Variants in SEMA3E observed in about 807,000 individuals in gnomAD.
SEMA3E encodes semaphorin-3E.
Under a neutral mutation model 93.6 loss-of-function variants are expected in SEMA3E, and 49 were observed. The observed-to-expected ratio is 0.52, with a 90% confidence interval of 0.42 to 0.66. The LOEUF (loss-of-function observed/expected upper bound fraction) is 0.66. Ranked by LOEUF, SEMA3E falls within the 30% of genes least tolerant of loss-of-function variation. SEMA3E has a pLI of 0.00. For synonymous variants in SEMA3E, 363 were observed against 330.7 expected (o/e 1.10, Z -1.06); for missense variants, 906 against 964.8 (o/e 0.94, Z 0.81).
chr7:83,455,654 G>C (rs1264539691), intron 4 of SEMA3E, among the ~76,000 whole-genome samples: 2 of 152,270 alleles, frequency 1.3e-5, no homozygotes, highest in Non-Finnish European at 2.9e-5. Flanking sequence ...TATGGCAAAC[G>C]TGATGGGATA....
intron 4 of SEMA3E, chr7:83,462,012 G>C (rs571079780): frequency 7.2e-5 from 11 of 152,334 alleles, no homozygotes; most frequent in African/African-American, 1.4e-4. Context: ...TCCCATCTGT[G>C]TGGGACCCCA....
intron 1 of SEMA3E, among the ~76,000 whole-genome samples, chr7:83,637,163 C>T (rs1793897208): frequency 1.3e-5 from 2 of 151,920 alleles, no homozygotes; most frequent in South Asian, 4.1e-4. Flanking sequence ...TTACAATATA[C>T]ATTGTATGGT....
chr7:83,462,962 A>G (rs112985632), intron 4 of SEMA3E, among the ~76,000 whole-genome samples: 76,136 of 92,840 alleles, frequency 0.82, 33,333 homozygotes, highest in East Asian at 1. Flanking sequence ...GCCTCTCTTC[A>G]CTTTCACTTG....
intron 1 of SEMA3E, among the ~76,000 whole-genome samples, chr7:83,533,338 A>G (rs2713138): frequency 6.6e-6 from 1 of 151,932 alleles, no homozygotes; most frequent in East Asian, 2.0e-4. Context: ...GGTTAGGAGT[A>G]CGAGACCAGT....
intron 1 of SEMA3E, among the ~76,000 whole-genome samples, chr7:83,568,095 T>C (rs1181973548): frequency 6.6e-6 from 1 of 152,034 alleles, no homozygotes; most frequent in Non-Finnish European, 1.5e-5. Flanking sequence ...GGGATTATTA[T>C]GAGCAACTAT....
intron 2 of SEMA3E, among the ~76,000 whole-genome samples, chr7:83,476,373 A>G (rs1489347732): frequency 1.3e-5 from 2 of 152,214 alleles, no homozygotes; most frequent in Non-Finnish European, 2.9e-5. Context: ...AAAGACTTGT[A>G]GGATTTCTGA....
intron 8 of SEMA3E, 74 bp downstream of exon 8, chr7:83,405,871 A>C: frequency 9.0e-7 from 1 of 1,105,482 alleles, no homozygotes; most frequent in Admixed American, 1.7e-5. Context: ...GCAAGTTTCT[A>C]TGTGTCCTAG....
At position 83,406,420 on chromosome 7, in the gene SEMA3E, C is replaced by T. The variant is rs543125662; in HGVS notation, c.814-361G>A. On this transcript the variant is annotated intron_variant, in intron 7 of 16. Coordinates refer to ENST00000643230, the MANE Select transcript of SEMA3E (RefSeq NM_012431.3). ...TGCCTCTCTCAGGAATATAGAAACA[C>T]CCATTTCTTTTCTTCCTTTAACAAA... 5.5e-4 allele frequency among the ~76,000 whole-genome samples: 83 copies of T among 151,696 alleles called. 2 individuals carry two copies. Among genetic ancestry groups the T allele is most frequent in the African/African-American group, 1.8e-3 (75 of 41,414 alleles).
chr7:83,405,141 T>C (rs904884132), intron 9 of SEMA3E, among the ~76,000 whole-genome samples: 5 of 151,922 alleles, frequency 3.3e-5, no homozygotes, highest in Admixed American at 3.3e-4. Context: ...AGGACTGATA[T>C]CTTACAAACT....
chr7:83,577,257 G>T (rs1979768), intron 1 of SEMA3E, among the ~76,000 whole-genome samples: 18,916 of 152,156 alleles, frequency 0.12, 1,346 homozygotes, highest in East Asian at 0.19. Context: ...GATCTATACT[G>T]CTCCTTTTGT....
rs1428708913 is a variant in SEMA3E at position 83,503,219 on chromosome 7, G to GA, written c.116-12946dup. Among the ~76,000 whole-genome samples the GA allele has an allele frequency of 2.6e-5, 4 of 151,990 alleles. No homozygotes were observed. The East Asian group carries it at 7.8e-4, about 29-fold the overall frequency. ...TAAACAGCTACTGCGTATTTTTAGG[G>GA]AAAAACCTCAATTTTCTACCAATAG... is the stretch of plus-strand genomic sequence containing the variant. On this transcript the variant is annotated intron_variant, in intron 1 of 16. Coordinates refer to ENST00000643230, the MANE Select transcript of SEMA3E (RefSeq NM_012431.3).
chr7:83,405,732 C>T (rs1788316594), intron 8 of SEMA3E, among the ~76,000 whole-genome samples: 1 of 152,082 alleles, frequency 6.6e-6, no homozygotes, highest in African/African-American at 2.4e-5. Flanking sequence ...GAACCAGACA[C>T]TGACTCTAAG....
At chr7:83,435,055 CA>C (rs1464332560) in intron 4 of SEMA3E, among the ~76,000 whole-genome samples, 6 of 152,052 alleles carry the variant, frequency 3.9e-5, no homozygotes, top group Admixed American at 3.9e-4. Flanking sequence ...CATTCTCTTA[CA>C]AAAAATCTTT....
At chr7:83,440,956 GCTAT>G (rs1789102103) in intron 4 of SEMA3E, among the ~76,000 whole-genome samples, 1 of 152,166 alleles carries the variant, frequency 6.6e-6, no homozygotes, top group Non-Finnish European at 1.5e-5. Flanking sequence ...AAGGACACTA[GCTAT>G]CTGAGATATA....
rs555473271 is a variant in SEMA3E, at chr7:83,627,641, T to G, written c.115+20787A>C. On this transcript the variant is annotated intron_variant, in intron 1 of 16. Coordinates refer to ENST00000643230, the MANE Select transcript of SEMA3E (RefSeq NM_012431.3). ...TCGCAACCCCTGCTTTTTTTTTTTT[T>G]TTTTTTTTTTTGCTTTCCATTTGCT... Among the ~76,000 whole-genome samples, 5 of 146,500 alleles carry G rather than the reference T, an allele frequency of 3.4e-5. 1 individual carries two copies. Among genetic ancestry groups the G allele is most frequent in the African/African-American group, 1.3e-4 (5 of 39,820 alleles).
At chr7:83,416,554 T>A in intron 5 of SEMA3E, among the ~76,000 whole-genome samples, 1 of 152,100 alleles carries the variant, frequency 6.6e-6, no homozygotes, top group East Asian at 1.9e-4. Context: ...GATTTCACTA[T>A]AGAAGCAGCA....
intron 4 of SEMA3E, among the ~76,000 whole-genome samples, chr7:83,427,164 CAT>C (rs200133968): frequency 0.014 from 2,076 of 151,730 alleles, 19 homozygotes; most frequent in Non-Finnish European, 0.021. Context: ...TCCCTTTTCC[CAT>C]ATGACTTTTC....
At chr7:83,494,811 G>C (rs1353293203) in intron 1 of SEMA3E, among the ~76,000 whole-genome samples, 1 of 151,890 alleles carries the variant, frequency 6.6e-6, no homozygotes, top group African/African-American at 2.4e-5. Flanking sequence ...TGTGACAATA[G>C]CTCCTGCATT....
At position 83,412,762 on chromosome 7, in the gene SEMA3E, A is replaced by C. The variant is rs1270288066; in HGVS notation, c.551-4275T>G. ...AGCCAGACCCTGCCTAAAAAAAGAT[A>C]AAAAAAAAAAAAAAAACACACAGGA... is the stretch of plus-strand genomic sequence containing the variant. On this transcript the variant is annotated intron_variant, in intron 5 of 16. Coordinates refer to ENST00000643230, the MANE Select transcript of SEMA3E (RefSeq NM_012431.3). 3.7e-3 allele frequency among the ~76,000 whole-genome samples: 5 copies of C among 1,342 alleles called. No individual in the cohort carries two copies. In the East Asian group the frequency reaches 0.5, roughly 134 times the overall value. 0.9% of individuals were successfully genotyped at this position (1,342 alleles called of 152,430 possible).
Sources: gnomAD v4.1 joint callset for allele counts (sites outside exome capture counted in the v4.1 genomes callset) on GRCh38, gnomAD v4.1.1 for gene constraint, MANE v1.5 for transcripts, NCBI Gene and HGNC (gene_info 2026-07-23, HGNC 2026-07-21) for gene names.